The following ZCCHC17 variants were observed in gnomAD, a reference collection of about 807,000 sequenced individuals.
ZCCHC17 encodes the protein zinc finger CCHC-type containing 17, also known as zinc finger CCHC domain-containing protein 17.
ZCCHC17 carries 18 observed loss-of-function variants against 30.6 expected under a neutral mutation model. That is an observed-to-expected ratio of 0.59 (90% CI 0.41 to 0.87). The LOEUF is 0.87. Ranked by LOEUF, ZCCHC17 falls within the 40% of genes least tolerant of loss-of-function variation. ZCCHC17 has a pLI of 0.00. For missense variants in ZCCHC17, 263 were observed against 284.2 expected (o/e 0.93, Z 0.54); for synonymous variants, 88 against 92.4 (o/e 0.95, Z 0.27).
At chr1:31,333,270 TC>T in intron 3 of ZCCHC17, 1 of 147,096 alleles carries the variant, frequency 6.8e-6, no homozygotes, top group East Asian at 1.9e-4. Context: ...ACACCTGTAA[TC>T]CCAGCACTTT....
chr1:31,345,982 TAAG>T (rs1273467642), intron 5 of ZCCHC17, among the ~76,000 whole-genome samples: 2 of 152,070 alleles, frequency 1.3e-5, no homozygotes, highest in Non-Finnish European at 2.9e-5. Context: ...TATATTTTGG[TAAG>T]AAGTCTAAAA....
chr1:31,339,262 G>A (rs926606268), intron 5 of ZCCHC17, among the ~76,000 whole-genome samples: 5 of 152,234 alleles, frequency 3.3e-5, no homozygotes, highest in Non-Finnish European at 7.3e-5. Context: ...TTGGGAAGCC[G>A]AGGTGGGCGG....
At chr1:31,309,973 G>A (rs1646558794) in intron 1 of ZCCHC17, 71 bp from the exon 2 acceptor site, 1 of 819,954 alleles carries the variant, frequency 1.2e-6, no homozygotes, top group African/African-American at 1.7e-5. Context: ...GAGAATAGCT[G>A]TGGATTGTCT....
At chr1:31,323,426 A>G (rs576257782) in intron 3 of ZCCHC17, among the ~76,000 whole-genome samples, 63 of 151,950 alleles carry the variant, frequency 4.1e-4, no homozygotes, top group African/African-American at 1.4e-3. Context: ...GGTTCACGCC[A>G]TTCTCCTGTC....
At chr1:31,362,630 C>T (rs1005931404) in intron 7 of ZCCHC17, among the ~76,000 whole-genome samples, 1 of 152,112 alleles carries the variant, frequency 6.6e-6, no homozygotes, top group Non-Finnish European at 1.5e-5. Flanking sequence ...GATGAATATT[C>T]AAGGGTAGCA....
intron 7 of ZCCHC17, among the ~76,000 whole-genome samples, chr1:31,355,538 AC>A: frequency 6.6e-6 from 1 of 152,356 alleles, no homozygotes; most frequent in East Asian, 1.9e-4. Context: ...CGGAAGTCAC[AC>A]AAATATAAGA....
chr1:31,364,000 T>G, intron 7 of ZCCHC17, 32 bp from the exon 8 acceptor site: 1 of 1,607,640 alleles, frequency 6.2e-7, no homozygotes, highest in Non-Finnish European at 8.5e-7. Context: ...AATATACACA[T>G]ACAGTGTTGA....
intron 1 of ZCCHC17, among the ~76,000 whole-genome samples, chr1:31,299,942 C>T (rs534829230): frequency 6.6e-6 from 1 of 152,168 alleles, no homozygotes; most frequent in Non-Finnish European, 1.5e-5. Context: ...AATCAGGGTT[C>T]TAATGAGGTC....
intron 1 of ZCCHC17, among the ~76,000 whole-genome samples, chr1:31,299,843 A>G (rs969693926): frequency 3.9e-5 from 6 of 152,162 alleles, no homozygotes; most frequent in Non-Finnish European, 8.8e-5. Flanking sequence ...GTGTTGTTGG[A>G]ATGATGGGCT....
intron 3 of ZCCHC17, among the ~76,000 whole-genome samples, chr1:31,335,998 T>C (rs1479752666): frequency 2.0e-5 from 3 of 152,204 alleles, no homozygotes; most frequent in East Asian, 1.9e-4. Context: ...AGGGTTGTTT[T>C]ATGGTTCTTA....
rs1195039035 is a variant in ZCCHC17, at chr1:31,364,381, AGTT to A, written c.*195_*197del. Reference sequence around the variant, plus strand: ...GAGGTCAAAAGCAGCTGCCTGAATGAGTTGTTGTTTCCTTATCACTCCTGGTCC... The same window carrying A: ...GAGGTCAAAAGCAGCTGCCTGAATGAGTTGTTTCCTTATCACTCCTGGTCC... On this transcript the variant is annotated 3_prime_UTR_variant, in exon 8 of 8. Transcript: ENST00000344147. The A allele has an allele frequency of 1.9e-6, 2 of 1,047,094 alleles. No homozygotes were observed. Among genetic ancestry groups the A allele is most frequent in the East Asian group, 2.6e-5 (1 of 38,086 alleles). The allele number at this position is 1,047,094 out of a possible 1,614,324, so 64.9% of individuals were successfully genotyped here.
chr1:31,329,548 G>A (rs1440493483), intron 3 of ZCCHC17, among the ~76,000 whole-genome samples: 1 of 151,868 alleles, frequency 6.6e-6, no homozygotes, highest in Non-Finnish European at 1.5e-5. Context: ...ACAGAGGTAA[G>A]AGAAACATAA....
At chr1:31,307,978 A>C (rs1035453768) in intron 1 of ZCCHC17, among the ~76,000 whole-genome samples, 2 of 152,164 alleles carry the variant, frequency 1.3e-5, no homozygotes, top group Admixed American at 1.3e-4. Flanking sequence ...CCTCACTAAT[A>C]CGTTTCAAGT....
chr1:31,327,887 A>G (rs1451517462), intron 3 of ZCCHC17, among the ~76,000 whole-genome samples: 1 of 152,202 alleles, frequency 6.6e-6, no homozygotes. Context: ...TTTGAGTACT[A>G]TGCTGAGTAC....
At chr1:31,334,920 A>C (rs553182789) in intron 3 of ZCCHC17, among the ~76,000 whole-genome samples, 1 of 152,272 alleles carries the variant, frequency 6.6e-6, no homozygotes, top group East Asian at 1.9e-4. Context: ...AGTTTTTCCT[A>C]TGTATAAAGT....
intron 5 of ZCCHC17, among the ~76,000 whole-genome samples, chr1:31,340,544 C>T (rs1029658420): frequency 6.6e-6 from 1 of 152,018 alleles, no homozygotes; most frequent in Non-Finnish European, 1.5e-5. Flanking sequence ...CTTGAACTCC[C>T]GACCTCAGGT....
rs916327021 is a variant in ZCCHC17 at position 31,298,899 on chromosome 1, A to G, written c.-56+1824A>G. Among the ~76,000 whole-genome samples, 3 of 152,390 alleles carry G rather than the reference A, an allele frequency of 2.0e-5. No individual in the cohort carries two copies. In the South Asian group the frequency reaches 6.2e-4, roughly 32 times the overall value. Reference sequence around the variant, plus strand: ...GTTCCAACATTTAATGGTGAAGAACAGGTGAACCTACAGGAGATACAGAAG... The same window carrying G: ...GTTCCAACATTTAATGGTGAAGAACGGGTGAACCTACAGGAGATACAGAAG... On this transcript the variant is annotated intron_variant, in intron 1 of 7. Coordinates refer to ENST00000344147, the MANE Select transcript of ZCCHC17 (RefSeq NM_016505.4).
intron 6 of ZCCHC17, among the ~76,000 whole-genome samples, chr1:31,347,733 C>G (rs1243242129): frequency 6.6e-6 from 1 of 152,188 alleles, no homozygotes; most frequent in African/African-American, 2.4e-5. Flanking sequence ...CCTCAGCCTC[C>G]TGAGTAGCTG....
At chr1:31,337,834 A>G (rs11582342) in intron 4 of ZCCHC17, among the ~76,000 whole-genome samples, 82,619 of 152,040 alleles carry the variant, frequency 0.54, 23,356 homozygotes, top group Non-Finnish European at 0.62. Context: ...GAGACAGCAC[A>G]GGAGATAGGC....
Sources: allele counts gnomAD v4.1 joint callset (sites outside exome capture counted in the v4.1 genomes callset), GRCh38; gene constraint gnomAD v4.1.1; transcripts MANE v1.5; gene names NCBI Gene and HGNC (gene_info 2026-07-23, HGNC 2026-07-21).